SNTG2: variants seen among roughly 807,000 people sequenced by gnomAD.
SNTG2 encodes the protein gamma-2-syntrophin.
SNTG2 carries 74 observed loss-of-function variants against 70.9 expected under a neutral mutation model. The ratio of observed to expected loss-of-function variants is 1.04; its 90% CI spans 0.86 to 1.27. SNTG2 has a LOEUF of 1.27. SNTG2 is among the 50% of genes most tolerant of loss of function. The pLI is 0.00. For missense variants in SNTG2, 717 were observed against 690.7 expected, an observed-to-expected ratio of 1.04 and a Z score of -0.43; for synonymous variants, 278 against 273.8, an observed-to-expected ratio of 1.02 and a Z score of -0.15.
intron 1 of SNTG2, among the ~76,000 whole-genome samples, chr2:1,007,308 A>G (rs911805700): frequency 1.3e-5 from 2 of 152,180 alleles, no homozygotes; most frequent in Admixed American, 1.3e-4. Flanking sequence ...AGGCCATCAT[A>G]AATCACGTCT....
intron 14 of SNTG2, among the ~76,000 whole-genome samples, chr2:1,288,296 C>G (rs574077829): frequency 6.6e-6 from 1 of 152,292 alleles, no homozygotes; most frequent in Non-Finnish European, 1.5e-5. Flanking sequence ...CAATGTGTTT[C>G]TGGTTGTCTC....
chr2:1,273,213 C>T (rs1037567729), intron 14 of SNTG2, among the ~76,000 whole-genome samples: 1 of 152,206 alleles, frequency 6.6e-6, no homozygotes, highest in East Asian at 1.9e-4. Flanking sequence ...GCCCGTCTTT[C>T]CCTCCTGCTC....
intron 12 of SNTG2, among the ~76,000 whole-genome samples, chr2:1,258,339 A>G (rs763855277): frequency 2.0e-4 from 30 of 152,214 alleles, no homozygotes; most frequent in Non-Finnish European, 3.2e-4. Flanking sequence ...CAGATCCAAA[A>G]GGAACCTTAA....
chr2:1,084,457 A>C (rs1269349141), intron 2 of SNTG2, among the ~76,000 whole-genome samples: 1 of 152,022 alleles, frequency 6.6e-6, no homozygotes, highest in Non-Finnish European at 1.5e-5. Flanking sequence ...TGTGGCTGGC[A>C]CCCGGTCCGC....
At chr2:1,150,872 G>A (rs1669436559) in intron 6 of SNTG2, among the ~76,000 whole-genome samples, 1 of 151,488 alleles carries the variant, frequency 6.6e-6, no homozygotes, top group Non-Finnish European at 1.5e-5. Flanking sequence ...GGACTTGCCT[G>A]GAGCTGGGCT....
intron 2 of SNTG2, among the ~76,000 whole-genome samples, chr2:1,085,008 G>A (rs1055065646): frequency 1.3e-5 from 2 of 152,136 alleles, no homozygotes; most frequent in African/African-American, 4.8e-5. Context: ...TCCCAACCAC[G>A]GCCTCTGCGT....
chr2:1,112,567 C>G (rs1212534968), intron 4 of SNTG2, among the ~76,000 whole-genome samples: 13 of 151,164 alleles, frequency 8.6e-5, no homozygotes, highest in African/African-American at 2.7e-4. Flanking sequence ...TGAGGTGTAA[C>G]CCTTACAGTC....
At position 1,267,464 on chromosome 2, in the gene SNTG2, G is replaced by A; in HGVS notation, c.1177G>A (p.Ala393Thr). The change falls in exon 14 of 17, where the codon GCC becomes ACC. Residue 393 changes from alanine to threonine, a missense_variant. Transcript: ENST00000308624. ...GAGGCCCTATTGCTTCAGCATCGTG[G>A]CCGGCCATGGGAAGAGCCATGTTTT... ...DQRPYCFSIV[A>T]GHGKSHVFNV... The A allele has an allele frequency of 6.2e-7, 1 of 1,613,752 alleles. No individual in the cohort carries two copies. Among genetic ancestry groups the A allele is most frequent in the Non-Finnish European group, 8.5e-7 (1 of 1,179,808 alleles).
At chr2:1,073,235 G>A (rs1663693073) in intron 1 of SNTG2, among the ~76,000 whole-genome samples, 1 of 152,180 alleles carries the variant, frequency 6.6e-6, no homozygotes, top group Non-Finnish European at 1.5e-5. Flanking sequence ...AGCATCAAAT[G>A]CTACAGAGAA....
intron 8 of SNTG2, among the ~76,000 whole-genome samples, chr2:1,200,161 A>G (rs1039967699): frequency 6.6e-6 from 1 of 152,046 alleles, no homozygotes; most frequent in Admixed American, 6.6e-5. Context: ...TACTGGTATA[A>G]AAACAGACAC....
At chr2:983,355 T>C (rs1220015514) in intron 1 of SNTG2, among the ~76,000 whole-genome samples, 6 of 148,888 alleles carry the variant, frequency 4.0e-5, no homozygotes, top group Non-Finnish European at 7.4e-5. Flanking sequence ...GATGAAGAAG[T>C]TGCAGAGGTG....
chr2:1,193,834 A>C (rs1672742996), intron 8 of SNTG2, among the ~76,000 whole-genome samples: 1 of 152,246 alleles, frequency 6.6e-6, no homozygotes, highest in Non-Finnish European at 1.5e-5. Context: ...CCACCAGAAT[A>C]ACTCTGAACA....
At chr2:999,878 CA>C (rs1661811459) in intron 1 of SNTG2, among the ~76,000 whole-genome samples, 1 of 151,772 alleles carries the variant, frequency 6.6e-6, no homozygotes, top group South Asian at 2.1e-4. Context: ...TATAAGGTCG[CA>C]AAACAAGTCT....
intron 16 of SNTG2, among the ~76,000 whole-genome samples, chr2:1,320,982 G>A (rs1282295677): frequency 6.6e-6 from 1 of 152,106 alleles, no homozygotes; most frequent in Non-Finnish European, 1.5e-5. Context: ...TTTATATTCA[G>A]CATGAGGGTC....
At chr2:1,220,024 A>G (rs887179351) in intron 9 of SNTG2, 1 of 152,212 alleles carries the variant, frequency 6.6e-6, no homozygotes, top group African/African-American at 2.4e-5. Flanking sequence ...TTGTTTTGCA[A>G]AGGAGAGTAT....
chr2:1,284,674 C>T (rs2148212780), intron 14 of SNTG2, among the ~76,000 whole-genome samples: 1 of 152,266 alleles, frequency 6.6e-6, no homozygotes. Flanking sequence ...TAAAATTTCA[C>T]TTAAACATAT....
chr2:1,017,278 C>G (rs1659925064), intron 1 of SNTG2, among the ~76,000 whole-genome samples: 1 of 152,130 alleles, frequency 6.6e-6, no homozygotes, highest in African/African-American at 2.4e-5. Flanking sequence ...CTAAAAACTT[C>G]ATTAGAAAAT....
chr2:1,267,441 G>A lies in SNTG2; in HGVS notation c.1154G>A (p.Arg385Lys). The change falls in exon 14 of 17, where the codon AGG becomes AAG. Residue 385 changes from arginine (R) to lysine (K), a missense_variant. By Grantham distance (26) the Arg-to-Lys change is conservative. Transcript: ENST00000308624. ...CAAGATTTTGACTTTGAGGACCAGA[G>A]GCCCTATTGCTTCAGCATCGTGGCC... ...GLQDFDFEDQ[R>K]PYCFSIVAGH... The A allele has an allele frequency of 6.2e-7, 1 of 1,613,190 alleles. No individual in the cohort carries two copies. The highest frequency in any genetic ancestry group is 8.5e-7 in the Non-Finnish European group (1 of 1,179,586).
chr2:1,141,196 C>T (rs1212576934), intron 6 of SNTG2, among the ~76,000 whole-genome samples: 1 of 152,200 alleles, frequency 6.6e-6, no homozygotes, highest in Non-Finnish European at 1.5e-5. Context: ...TAATACAGAG[C>T]TGAAGCTTGC....
Sources: gnomAD v4.1 joint callset for allele counts (sites outside exome capture counted in the v4.1 genomes callset) on GRCh38, gnomAD v4.1.1 for gene constraint, MANE v1.5 for transcripts, NCBI Gene and HGNC (gene_info 2026-07-23, HGNC 2026-07-21) for gene names.